The following PARP12 variants were observed in gnomAD, a reference collection of about 807,000 sequenced individuals.
The protein encoded by PARP12 is protein mono-ADP-ribosyltransferase PARP12.
Under a neutral mutation model 72.4 loss-of-function variants are expected in PARP12, and 59 were observed. That is an observed-to-expected ratio of 0.81 (90% confidence interval 0.66 to 1.01). The LOEUF (loss-of-function observed/expected upper bound fraction) is 1.01. Among genes scored for constraint, PARP12 ranks in the 50% least tolerant of loss-of-function variants. PARP12 has a pLI of 0.00. For missense variants in PARP12, 851 were observed against 914.0 expected (o/e 0.93, Z 0.89); for synonymous variants, 403 against 371.4 (o/e 1.09, Z -0.98).
At chr7:140,048,724 C>A (rs1816836941) in intron 4 of PARP12, among the ~76,000 whole-genome samples, 1 of 152,182 alleles carries the variant, frequency 6.6e-6, no homozygotes, top group Admixed American at 6.5e-5. Flanking sequence ...ATGTTTTGAA[C>A]TTTGAACCAC....
intron 5 of PARP12, among the ~76,000 whole-genome samples, chr7:140,045,663 T>C (rs536969442): frequency 6.6e-6 from 1 of 151,956 alleles, no homozygotes; most frequent in Non-Finnish European, 1.5e-5. Context: ...AAATTCAGTA[T>C]ATAACGTCCA....
chr7:140,032,678 T>A (rs1815984292), intron 8 of PARP12, among the ~76,000 whole-genome samples: 1 of 152,198 alleles, frequency 6.6e-6, no homozygotes, highest in Non-Finnish European at 1.5e-5. Context: ...GTGATTATCA[T>A]GATCTATTTT....
At chr7:140,060,850 G>A (rs188066892) in intron 1 of PARP12, among the ~76,000 whole-genome samples, 221 of 152,226 alleles carry the variant, frequency 1.5e-3, no homozygotes, top group Non-Finnish European at 2.4e-3. Flanking sequence ...CCACTCCTGG[G>A]GCTGCAACTA....
rs79217790 is a variant in PARP12 at position 140,038,085 on chromosome 7, G to C, written c.1183-229C>G. The stretch of plus-strand genomic sequence containing the variant: ...ACACAATGCAGTAAATATGGGTCCT[G>C]CTGAGCAGGAAGACAGGGATGGGAG... On this transcript the variant is annotated intron_variant, in intron 6 of 11. Transcript: ENST00000263549. 9.8e-3 allele frequency: 9,699 copies of C among 985,390 alleles called. 66 individuals are homozygous for C. The highest frequency in any genetic ancestry group is 0.011 in the Non-Finnish European group (8,970 of 829,916). 61.0% of individuals were successfully genotyped at this position (985,390 alleles called of 1,614,324 possible).
At chr7:140,057,240 G>C in intron 2 of PARP12, 87 bp from the exon 3 acceptor site, 1 of 1,261,172 alleles carries the variant, frequency 7.9e-7, no homozygotes, top group Non-Finnish European at 1.1e-6. Flanking sequence ...GGTGAGAAAG[G>C]GGCTTCACAA....
chr7:140,028,752 G>A (rs79917840), intron 8 of PARP12, 64 bp from the exon 9 acceptor site: 1 of 1,405,598 alleles, frequency 7.1e-7, no homozygotes, highest in South Asian at 1.2e-5. Flanking sequence ...TATACCATAG[G>A]TGGTCTCTGC....
rs566104142 is a variant in PARP12 at position 140,034,100 on chromosome 7, T to C, written c.1421+135A>G. 1.2e-5 allele frequency: 17 copies of C among 1,378,048 alleles called. No homozygotes were observed. In the South Asian group the frequency reaches 2.1e-4, roughly 17 times the overall value. 85.4% of individuals were successfully genotyped at this position (1,378,048 alleles called of 1,614,324 possible). Reference sequence around the variant, plus strand: ...GGTCCAACTAGTAGAAGACAAACGATAACAGAGTGTGGGAGCACTTCGTTG... The same window carrying C: ...GGTCCAACTAGTAGAAGACAAACGACAACAGAGTGTGGGAGCACTTCGTTG... On this transcript the variant is annotated intron_variant, in intron 8 of 11. Coordinates refer to ENST00000263549, the MANE Select transcript of PARP12 (RefSeq NM_022750.4).
chr7:140,029,015 A>G (rs1384330143), intron 8 of PARP12: 1 of 162,076 alleles, frequency 6.2e-6, no homozygotes, highest in Admixed American at 6.4e-5. Flanking sequence ...CAATTCTGAA[A>G]TTCTAAGAGC....
chr7:140,026,087 CT>C, intron 11 of PARP12, 109 bp downstream of exon 11: 3 of 1,508,570 alleles, frequency 2.0e-6, no homozygotes, highest in Middle Eastern at 2.1e-4. Flanking sequence ...CACATGGAGT[CT>C]GAACCTGCTC....
At chr7:140,041,876 C>G in intron 5 of PARP12, 37 bp from the exon 6 acceptor site, 1 of 1,542,396 alleles carries the variant, frequency 6.5e-7, no homozygotes, top group Non-Finnish European at 8.9e-7. Context: ...GAAAATCCCA[C>G]CAGCCAAGCA....
intron 6 of PARP12, among the ~76,000 whole-genome samples, chr7:140,040,225 T>G (rs1365243363): frequency 1.3e-5 from 2 of 152,134 alleles, no homozygotes; most frequent in Admixed American, 1.3e-4. Context: ...CTCCCCCTCC[T>G]CCATGTCACG....
chr7:140,039,770 C>T (rs905022828), intron 6 of PARP12, among the ~76,000 whole-genome samples: 2 of 152,112 alleles, frequency 1.3e-5, no homozygotes, highest in Non-Finnish European at 2.9e-5. Context: ...CAAGACAAAC[C>T]AGATCATCCT....
At chr7:140,044,271 C>T (rs1271741507) in intron 5 of PARP12, among the ~76,000 whole-genome samples, 3 of 152,116 alleles carry the variant, frequency 2.0e-5, no homozygotes, top group Non-Finnish European at 2.9e-5. Flanking sequence ...CCCATGAATG[C>T]GATCTTATTT....
At chr7:140,055,688 C>T (rs1019220218) in intron 3 of PARP12, among the ~76,000 whole-genome samples, 1 of 152,180 alleles carries the variant, frequency 6.6e-6, no homozygotes, top group Non-Finnish European at 1.5e-5. Context: ...TCTGACAAGG[C>T]TATAATCCAA....
intron 8 of PARP12, 28 bp downstream of exon 8, chr7:140,034,207 A>G: frequency 6.2e-7 from 1 of 1,606,138 alleles, no homozygotes; most frequent in Non-Finnish European, 8.5e-7. Flanking sequence ...ATTACATCCT[A>G]AGTACCAAGC....
At chr7:140,057,484 T>C (rs1161584333) in intron 2 of PARP12, 3 of 391,654 alleles carry the variant, frequency 7.7e-6, no homozygotes, top group Non-Finnish European at 1.4e-5. Flanking sequence ...CTACCTATAC[T>C]CTTCCCACAC....
chr7:140,036,560 G>C (rs894319452), intron 7 of PARP12, among the ~76,000 whole-genome samples: 1 of 152,110 alleles, frequency 6.6e-6, no homozygotes, highest in Non-Finnish European at 1.5e-5. Context: ...GCAAAACCAA[G>C]GCCAGAAACA....
intron 4 of PARP12, among the ~76,000 whole-genome samples, chr7:140,048,638 T>C (rs1028331395): frequency 6.6e-6 from 1 of 152,170 alleles, no homozygotes; most frequent in African/African-American, 2.4e-5. Flanking sequence ...CACACACACA[T>C]GCACATATTA....
At chr7:140,056,516 G>A (rs1817182764) in intron 3 of PARP12, among the ~76,000 whole-genome samples, 1 of 152,198 alleles carries the variant, frequency 6.6e-6, no homozygotes, top group Admixed American at 6.5e-5. Flanking sequence ...TCCCTGAAGA[G>A]CATGCTCTCG....
Sources: allele counts gnomAD v4.1 joint callset (sites outside exome capture counted in the v4.1 genomes callset), GRCh38; gene constraint gnomAD v4.1.1; transcripts MANE v1.5; gene names NCBI Gene and HGNC (gene_info 2026-07-23, HGNC 2026-07-21).